The following TDRD1 variants were observed in gnomAD, a reference collection of about 807,000 sequenced individuals.
TDRD1 encodes tudor domain-containing protein 1.
TDRD1 carries 37 observed loss-of-function variants against 140.6 expected under a neutral mutation model. The ratio of observed to expected loss-of-function variants is 0.26; its 90% CI spans 0.20 to 0.35. TDRD1 has a LOEUF of 0.35. TDRD1 is among the 10% of genes least tolerant of loss of function. The pLI, the probability that TDRD1 is intolerant of heterozygous loss-of-function variation, is 1.00. For missense variants in TDRD1, 1,243 were observed against 1,393.0 expected (o/e 0.89, Z 1.71); for synonymous variants, 506 against 475.7 (o/e 1.06, Z -0.83).
chr10:114,196,203 C>A (rs2034335429), intron 3 of TDRD1, among the ~76,000 whole-genome samples: 1 of 152,202 alleles, frequency 6.6e-6, no homozygotes, highest in African/African-American at 2.4e-5. Flanking sequence ...CTCAGACTCA[C>A]AAAGTGCTGG....
At chr10:114,185,041 G>A (rs1027849547) in intron 1 of TDRD1, among the ~76,000 whole-genome samples, 2 of 152,048 alleles carry the variant, frequency 1.3e-5, no homozygotes, top group African/African-American at 2.4e-5. Flanking sequence ...CTTTACTATC[G>A]CCTGTTTTCT....
chr10:114,208,943 A>T (rs555638067), intron 11 of TDRD1, among the ~76,000 whole-genome samples: 3 of 151,862 alleles, frequency 2.0e-5, no homozygotes, highest in Non-Finnish European at 4.4e-5. Context: ...CACCATGCCC[A>T]GCTGATTTTT....
At chr10:114,201,801 A>G (rs535935744) in intron 5 of TDRD1, among the ~76,000 whole-genome samples, 14 of 152,330 alleles carry the variant, frequency 9.2e-5, no homozygotes, top group Middle Eastern at 3.4e-3. Context: ...CTGGATTTTA[A>G]TAAGTTTGGA....
intron 1 of TDRD1, among the ~76,000 whole-genome samples, chr10:114,187,167 A>G (rs901438466): frequency 6.6e-6 from 1 of 152,218 alleles, no homozygotes. Context: ...CAACATTTCC[A>G]ACTTATTTTC....
chr10:114,209,217 C>T (rs1404646632), intron 11 of TDRD1, among the ~76,000 whole-genome samples: 1 of 152,072 alleles, frequency 6.6e-6, no homozygotes, highest in African/African-American at 2.4e-5. Flanking sequence ...GGCAACATAG[C>T]AAGACCTCTT....
At chr10:114,225,249 T>C (rs915807705) in intron 21 of TDRD1, among the ~76,000 whole-genome samples, 1 of 152,220 alleles carries the variant, frequency 6.6e-6, no homozygotes, top group African/African-American at 2.4e-5. Context: ...ACTTTAAAAA[T>C]AGGTGTTATA....
chr10:114,205,555 CCATA>C (rs1228984226), intron 10 of TDRD1, among the ~76,000 whole-genome samples: 1 of 152,168 alleles, frequency 6.6e-6, no homozygotes, highest in Non-Finnish European at 1.5e-5. Flanking sequence ...ATTCTTTCAG[CCATA>C]CTTATGTCTT....
At chr10:114,210,611 C>A (rs1324210212) in exon 12 of TDRD1, 3 of 1,597,660 alleles carry the variant, frequency 1.9e-6, no homozygotes, top group Non-Finnish European at 2.6e-6. Flanking sequence ...AAAATGACAA[C>A]TGAAAACAAC....
At chr10:114,214,053 T>C (rs759944384) in exon 16 of TDRD1, 2 of 1,611,394 alleles carry the variant, frequency 1.2e-6, no homozygotes, top group Non-Finnish European at 8.5e-7. Context: ...AAACAGTAGA[T>C]GTTGTGGTCT....
At chr10:114,185,241 G>A (rs1376189364) in intron 1 of TDRD1, among the ~76,000 whole-genome samples, 5 of 152,136 alleles carry the variant, frequency 3.3e-5, no homozygotes, top group East Asian at 1.9e-4. Context: ...CCAGATTGGC[G>A]TGCAGTGGCA....
intron 3 of TDRD1, among the ~76,000 whole-genome samples, chr10:114,191,474 T>C (rs1053220964): frequency 6.6e-6 from 1 of 152,224 alleles, no homozygotes; most frequent in African/African-American, 2.4e-5. Context: ...AAAGGCTACA[T>C]ACAAACAGTA....
intron 25 of TDRD1, among the ~76,000 whole-genome samples, chr10:114,230,934 G>A (rs1444545275): frequency 6.6e-6 from 1 of 152,096 alleles, no homozygotes; most frequent in East Asian, 1.9e-4. Context: ...AGGTGAGGTG[G>A]CGTGCACCTG....
chr10:114,215,850 G>A lies in TDRD1; in HGVS notation c.2213-1695G>A, dbSNP rs529395420. 2.6e-5 allele frequency among the ~76,000 whole-genome samples: 4 copies of A among 152,128 alleles called. No homozygotes were observed. In the South Asian group the frequency reaches 8.3e-4, roughly 32 times the overall value. Reference sequence around the variant, plus strand: ...GTATATAGTGCAAAGTAAGTTTCCTGGTTCCTCTTCTCAATTTTCCAAATA... The same window carrying A: ...GTATATAGTGCAAAGTAAGTTTCCTAGTTCCTCTTCTCAATTTTCCAAATA... On this transcript the variant is annotated intron_variant, in intron 16 of 25. Transcript: ENST00000251864.
Position 114,223,850 on chromosome 10 carries a change from A to G in TDRD1, c.3007+1147A>G, listed in dbSNP as rs184412689. Among the ~76,000 whole-genome samples, 3 of 152,264 alleles carry G rather than the reference A, an allele frequency of 2.0e-5. No homozygotes were observed. The East Asian group carries it at 5.8e-4, about 29-fold the overall frequency. ...CAACATGTACTTTCTCAACATTACC[A>G]TATTGGAGGCATCTTCAGCCTTCAG... On this transcript the variant is annotated intron_variant, in intron 21 of 25. Coordinates refer to ENST00000251864, the Ensembl canonical transcript of TDRD1.
chr10:114,205,592 A>G (rs1359432421), intron 10 of TDRD1, among the ~76,000 whole-genome samples: 1 of 152,232 alleles, frequency 6.6e-6, no homozygotes, highest in Admixed American at 6.5e-5. Context: ...CACAAACAGT[A>G]GTCATTCTAA....
At chr10:114,209,277 A>G (rs2035328516) in intron 11 of TDRD1, among the ~76,000 whole-genome samples, 1 of 152,164 alleles carries the variant, frequency 6.6e-6, no homozygotes. Flanking sequence ...ATGCAGCTGA[A>G]TGGAACTATC....
In TDRD1 at chr10:114,226,223, A is replaced by T; in HGVS notation, c.3175+7A>T. 2 of 1,592,128 alleles carry T rather than the reference A, an allele frequency of 1.3e-6. No homozygotes were observed. Among genetic ancestry groups the T allele is most frequent in the Non-Finnish European group, 1.7e-6 (2 of 1,170,594 alleles). On this transcript the variant is annotated splice_region_variant and intron_variant, in intron 22 of 25. Transcript: ENST00000251864. ...ATTAGATGTTCACTTGAAGGTAGAC[A>T]GCTAAGTCACTTTCCAATTTAGGTT...
chr10:114,229,296 G>C (rs911271155), intron 25 of TDRD1, among the ~76,000 whole-genome samples: 2 of 152,142 alleles, frequency 1.3e-5, no homozygotes, highest in Non-Finnish European at 2.9e-5. Flanking sequence ...TCTTTTATGG[G>C]TGTAGTAACT....
chr10:114,199,752 A>G lies in TDRD1; in HGVS notation c.529+435A>G, dbSNP rs539914377. 7.2e-5 allele frequency among the ~76,000 whole-genome samples: 11 copies of G among 152,242 alleles called. No individual in the cohort carries two copies. The South Asian group carries it at 2.1e-3, about 29-fold the overall frequency. Reference sequence around the variant, plus strand: ...TTGTATCAAGCTTATTTCATATACAATAATACTGTTGAGGTTAATCCATGC... The same window carrying G: ...TTGTATCAAGCTTATTTCATATACAGTAATACTGTTGAGGTTAATCCATGC... On this transcript the variant is annotated intron_variant, in intron 4 of 25. Coordinates refer to ENST00000251864, the Ensembl canonical transcript of TDRD1.
Sources: allele counts gnomAD v4.1 joint callset (sites outside exome capture counted in the v4.1 genomes callset), GRCh38; gene constraint gnomAD v4.1.1; transcripts MANE v1.5; gene names NCBI Gene and HGNC (gene_info 2026-07-23, HGNC 2026-07-21).